Variants in PAK1 observed in about 807,000 individuals in gnomAD.
The protein encoded by PAK1 is p21 (RAC1) activated kinase 1, also known as serine/threonine-protein kinase PAK 1.
In PAK1, 29 loss-of-function variants were observed where a neutral mutation model predicts 67.4. The ratio of observed to expected loss-of-function variants is 0.43; its 90% CI spans 0.32 to 0.59. PAK1 has a LOEUF of 0.59. PAK1 is among the 20% of genes least tolerant of loss of function. The pLI, the probability that PAK1 is intolerant of heterozygous loss-of-function variation, is 0.07. For synonymous variants in PAK1, 223 were observed against 237.4 expected (o/e 0.94, Z 0.56); for missense variants, 337 against 670.7 (o/e 0.50, Z 5.50).
chr11:77,400,953 CA>C (rs1488491959), intron 1 of PAK1, among the ~76,000 whole-genome samples: 1 of 152,164 alleles, frequency 6.6e-6, no homozygotes, highest in East Asian at 1.9e-4. Flanking sequence ...TAGTGGGCAG[CA>C]GAGGCAGGAA....
the PAK1 span, among the ~76,000 whole-genome samples, chr11:77,492,370 C>G: frequency 1.3e-5 from 2 of 148,738 alleles, no homozygotes; most frequent in African/African-American, 5.0e-5. Context: ...AAAAAAAAAA[C>G]TCAAAAGCCA....
chr11:77,341,767 G>A (rs544763673), intron 10 of PAK1, among the ~76,000 whole-genome samples: 2 of 152,274 alleles, frequency 1.3e-5, no homozygotes, highest in Non-Finnish European at 2.9e-5. Context: ...TCCTGATATT[G>A]GGAATACTGC....
intron 1 of PAK1, among the ~76,000 whole-genome samples, chr11:77,444,958 G>A (rs540907898): frequency 6.7e-6 from 1 of 149,458 alleles, no homozygotes; most frequent in East Asian, 2.0e-4. Flanking sequence ...TACTGTTATG[G>A]GTTGAATTGT....
intron 14 of PAK1, among the ~76,000 whole-genome samples, chr11:77,326,538 A>C (rs1591635022): frequency 6.6e-6 from 1 of 152,282 alleles, no homozygotes; most frequent in South Asian, 2.1e-4. Context: ...TAGAAAAATT[A>C]GGCAGGTATG....
the PAK1 span, among the ~76,000 whole-genome samples, chr11:77,525,847 C>A: frequency 0.016 from 2,490 of 152,304 alleles, 25 homozygotes; most frequent in Middle Eastern, 0.034. Context: ...TGGAATTGTC[C>A]TTTCTAAAAG....
chr11:77,387,520 T>C lies in PAK1; in HGVS notation c.190+4811A>G, dbSNP rs192731230. Among the ~76,000 whole-genome samples the C allele has an allele frequency of 4.6e-5, 7 of 152,370 alleles. No individual in the cohort carries two copies. The East Asian group carries it at 7.7e-4, about 17-fold the overall frequency. On this transcript the variant is annotated intron_variant, in intron 2 of 14. Transcript: ENST00000356341. ...TCTCCCACTTTCCACTTGTGAGACCTTGAGCAACTTACTTTTCTCTAAGCC... is the reference window on the plus strand; with the variant it reads ...TCTCCCACTTTCCACTTGTGAGACCCTGAGCAACTTACTTTTCTCTAAGCC...
At chr11:77,353,383 AAGTC>A in intron 8 of PAK1, 149 bp downstream of exon 8, 1 of 589,378 alleles carries the variant, frequency 1.7e-6, no homozygotes, top group South Asian at 2.2e-5. Context: ...GCCAAATCTC[AAGTC>A]AGTCTCACAT....
chr11:77,437,271 C>G (rs985368140), intron 1 of PAK1, among the ~76,000 whole-genome samples: 35 of 152,142 alleles, frequency 2.3e-4, no homozygotes, highest in Admixed American at 2.2e-3. Flanking sequence ...AGGTACTTAG[C>G]ACAGTCCCTG....
intron 1 of PAK1, among the ~76,000 whole-genome samples, chr11:77,398,370 T>C (rs976137613): frequency 6.6e-6 from 1 of 152,238 alleles, no homozygotes; most frequent in Non-Finnish European, 1.5e-5. Context: ...GATGTTTATC[T>C]TTCTGTCCCT....
At chr11:77,439,809 G>A (rs2138423543) in intron 1 of PAK1, among the ~76,000 whole-genome samples, 1 of 152,158 alleles carries the variant, frequency 6.6e-6, no homozygotes, top group Middle Eastern at 3.4e-3. Flanking sequence ...AGAACCATCA[G>A]GTGCCTGGGT....
chr11:77,491,908 C>G, the PAK1 span, among the ~76,000 whole-genome samples: 3 of 152,110 alleles, frequency 2.0e-5, no homozygotes, highest in Admixed American at 1.3e-4. Flanking sequence ...CTGAATGGAT[C>G]AAAAACAAGA....
At chr11:77,443,132 G>A (rs1280187483) in intron 1 of PAK1, among the ~76,000 whole-genome samples, 1 of 151,958 alleles carries the variant, frequency 6.6e-6, no homozygotes, top group African/African-American at 2.4e-5. Context: ...AGACCATCAT[G>A]GCCAACATGG....
the PAK1 span, among the ~76,000 whole-genome samples, chr11:77,490,921 T>C: frequency 6.6e-6 from 1 of 152,150 alleles, no homozygotes; most frequent in Non-Finnish European, 1.5e-5. Flanking sequence ...AAACAGATGC[T>C]TGAAGGCAGC....
intron 1 of PAK1, among the ~76,000 whole-genome samples, chr11:77,453,504 T>C (rs1956950319): frequency 6.9e-6 from 1 of 145,770 alleles, no homozygotes; most frequent in Non-Finnish European, 1.5e-5. Flanking sequence ...ATTTAGAAAA[T>C]GTGAGATATA....
upstream of PAK1, chr11:77,476,890 G>A (rs1434500836): frequency 3.3e-5 from 5 of 152,222 alleles, no homozygotes; most frequent in African/African-American, 9.6e-5. Flanking sequence ...AGCTGAGGCA[G>A]GAGAATCGGT....
intron 1 of PAK1, among the ~76,000 whole-genome samples, chr11:77,453,011 T>C (rs569181053): frequency 6.6e-6 from 1 of 152,170 alleles, no homozygotes; most frequent in Non-Finnish European, 1.5e-5. Context: ...AAGCCCCAGA[T>C]GTAAATTCAT....
chr11:77,447,660 GA>G (rs1956677089), intron 1 of PAK1, among the ~76,000 whole-genome samples: 1 of 151,986 alleles, frequency 6.6e-6, no homozygotes, highest in Non-Finnish European at 1.5e-5. Context: ...AAGTAGCTGG[GA>G]TTACAGGCGC....
At chr11:77,451,936 A>G (rs1565712695) in intron 1 of PAK1, among the ~76,000 whole-genome samples, 1 of 152,230 alleles carries the variant, frequency 6.6e-6, no homozygotes, top group Non-Finnish European at 1.5e-5. Flanking sequence ...AGCCTCAGCC[A>G]TGAACATAGC....
At chr11:77,383,418 C>T (rs762423948) in intron 2 of PAK1, among the ~76,000 whole-genome samples, 44 of 151,242 alleles carry the variant, frequency 2.9e-4, no homozygotes, top group Non-Finnish European at 4.9e-4. Context: ...TCCACCTCCC[C>T]GGTTCAAGCA....
Sources: gnomAD v4.1 joint callset for allele counts (sites outside exome capture counted in the v4.1 genomes callset) on GRCh38, gnomAD v4.1.1 for gene constraint, MANE v1.5 for transcripts, NCBI Gene and HGNC (gene_info 2026-07-23, HGNC 2026-07-21) for gene names.